The following CDH20 variants were observed in gnomAD, a reference collection of about 807,000 sequenced individuals.
CDH20 encodes the protein cadherin 20.
A neutral mutation model predicts 74.2 loss-of-function variants in CDH20; 29 were observed. The ratio of observed to expected loss-of-function variants is 0.39; its 90% CI spans 0.29 to 0.53. CDH20 has a LOEUF of 0.53. CDH20 is among the 20% of genes least tolerant of loss of function. CDH20 has a pLI of 0.69. For synonymous variants in CDH20, 469 were observed against 405.4 expected, an observed-to-expected ratio of 1.16 and a Z score of -1.88; for missense variants, 988 against 1,048.3, an observed-to-expected ratio of 0.94 and a Z score of 0.79.
At chr18:61,527,938 G>A (rs559312885) in intron 6 of CDH20, 29 bp from the exon 7 acceptor site, 34 of 1,611,830 alleles carry the variant, frequency 2.1e-5, no homozygotes, top group Middle Eastern at 1.7e-4. Context: ...CCTCAGTGGC[G>A]AATCAATTTT....
At position 61,554,418 on chromosome 18, in the gene CDH20, G is replaced by A; in HGVS notation, c.2129G>A (p.Arg710His). The A allele has an allele frequency of 1.2e-6, 2 of 1,613,008 alleles. No homozygotes were observed. Among genetic ancestry groups the A allele is most frequent in the Non-Finnish European group, 1.7e-6 (2 of 1,179,726 alleles). The change falls in exon 12 of 12, where the codon CGC becomes CAC. Residue 710 changes from arginine to histidine, a missense_variant. Coordinates refer to ENST00000262717, the MANE Select transcript of CDH20 (RefSeq NM_031891.4). ...CTGCCCGAGATCGAGAGCCTCTCCC[G>A]CTACGTGCCTCAGACGTGCGCAGTG... ...DMLPEIESLS[R>H]YVPQTCAVNS...
chr18:61,456,927 A>G (rs529247670), intron 1 of CDH20, among the ~76,000 whole-genome samples: 2 of 152,238 alleles, frequency 1.3e-5, no homozygotes, highest in South Asian at 2.1e-4. Context: ...TTAGGCCACT[A>G]ATCTCATTTC....
At chr18:61,345,110 G>A (rs149204284) in intron 1 of CDH20, among the ~76,000 whole-genome samples, 2 of 152,190 alleles carry the variant, frequency 1.3e-5, no homozygotes, top group African/African-American at 4.8e-5. Context: ...CCTGTTCTTA[G>A]GAAGGACTGC....
chr18:61,516,291 T>C (rs1912002171), intron 6 of CDH20, among the ~76,000 whole-genome samples: 1 of 152,242 alleles, frequency 6.6e-6, no homozygotes, highest in African/African-American at 2.4e-5. Context: ...TTTTAGGTTT[T>C]TGCTACGCTT....
intron 1 of CDH20, among the ~76,000 whole-genome samples, chr18:61,418,150 C>G (rs922270532): frequency 2.0e-5 from 3 of 152,264 alleles, no homozygotes; most frequent in Admixed American, 1.3e-4. Context: ...TTGAATAGAA[C>G]AATTCTTTTT....
chr18:61,480,465 T>C (rs1051748730), intron 1 of CDH20, among the ~76,000 whole-genome samples: 1 of 152,170 alleles, frequency 6.6e-6, no homozygotes, highest in African/African-American at 2.4e-5. Context: ...AAGATGTACA[T>C]TGGTTCTGTC....
In CDH20 at chr18:61,555,412, T is replaced by G; in HGVS notation, c.*717T>G. On this transcript the variant is annotated 3_prime_UTR_variant, in exon 12 of 12. Transcript: ENST00000262717. Reference sequence around the variant, plus strand: ...AGTGCTCGTGTCTCCTCTCAGCTATTTAACTGTGCCCCTGCAAAATTGTTC... The same window carrying G: ...AGTGCTCGTGTCTCCTCTCAGCTATGTAACTGTGCCCCTGCAAAATTGTTC... 1.0e-6 allele frequency: 1 copy of G among 985,444 alleles called. No homozygotes were observed. Among genetic ancestry groups the G allele is most frequent in the South Asian group, 4.7e-5 (1 of 21,290 alleles). 61.0% of individuals were successfully genotyped at this position (985,444 alleles called of 1,614,324 possible).
At chr18:61,512,748 A>C (rs1276325407) in intron 6 of CDH20, among the ~76,000 whole-genome samples, 1 of 149,236 alleles carries the variant, frequency 6.7e-6, no homozygotes, top group East Asian at 1.9e-4. Flanking sequence ...TTCTGCCTTC[A>C]TTTCGTTATG....
At chr18:61,386,320 G>C (rs1011731363) in intron 1 of CDH20, among the ~76,000 whole-genome samples, 2 of 152,078 alleles carry the variant, frequency 1.3e-5, no homozygotes, top group Non-Finnish European at 2.9e-5. Context: ...GGTCTCACAG[G>C]GATTAGTGCC....
At chr18:61,419,807 A>G (rs1912816804) in intron 1 of CDH20, among the ~76,000 whole-genome samples, 2 of 152,198 alleles carry the variant, frequency 1.3e-5, no homozygotes, top group African/African-American at 4.8e-5. Context: ...ATAATGGTAC[A>G]AGTGTACTTT....
chr18:61,379,797 T>A (rs564822166), intron 1 of CDH20, among the ~76,000 whole-genome samples: 2 of 152,200 alleles, frequency 1.3e-5, no homozygotes, highest in Admixed American at 1.3e-4. Context: ...TTCACATACA[T>A]GAGATAACTA....
intron 1 of CDH20, chr18:61,404,930 G>A: frequency 1.4e-6 from 1 of 703,160 alleles, no homozygotes. Context: ...TAGCCAGTGT[G>A]CATACTCTGT....
At chr18:61,478,034 A>G (rs1910453111) in intron 1 of CDH20, among the ~76,000 whole-genome samples, 1 of 152,020 alleles carries the variant, frequency 6.6e-6, no homozygotes, top group African/African-American at 2.4e-5. Context: ...AACTGTGTCT[A>G]CTAAAAATTA....
rs138071609 is a variant in CDH20, at chr18:61,550,229, G to T, written c.1900G>T (p.Val634Leu). The T allele has an allele frequency of 8.7e-6, 14 of 1,611,542 alleles. No homozygotes were observed. Among genetic ancestry groups the T allele is most frequent in the Non-Finnish European group, 1.2e-5 (14 of 1,178,468 alleles). Residue 634 changes from valine to leucine, a missense_variant and splice_region_variant, in exon 11 of 12, where the codon GTG becomes TTG. This residue lies in a region of CDH20 where 375 missense variants were observed against 293.1 expected (regional missense o/e 1.28). Transcript: ENST00000262717. The part of the protein sequence containing the change: ...AILACIFVLL[V>L]LVLLILSMRR... The stretch of plus-strand genomic sequence containing the variant: ...CCTCGCCTGCATCTTTGTCCTCTTA[G>T]GTGAGTAAGGGGCTGCTTTCCCTTC...
chr18:61,349,792 A>G (rs1208311011), intron 1 of CDH20, among the ~76,000 whole-genome samples: 1 of 152,118 alleles, frequency 6.6e-6, no homozygotes, highest in Non-Finnish European at 1.5e-5. Flanking sequence ...AGGGCAAACA[A>G]TATCAAAATT....
intron 1 of CDH20, among the ~76,000 whole-genome samples, chr18:61,466,983 C>G (rs932403112): frequency 6.6e-6 from 1 of 152,180 alleles, no homozygotes; most frequent in African/African-American, 2.4e-5. Flanking sequence ...CCTGGCTTGG[C>G]TCAGTGTCCA....
At chr18:61,419,808 AG>A (rs1359121894) in intron 1 of CDH20, among the ~76,000 whole-genome samples, 1 of 152,194 alleles carries the variant, frequency 6.6e-6, no homozygotes, top group Admixed American at 6.5e-5. Flanking sequence ...TAATGGTACA[AG>A]TGTACTTTGA....
chr18:61,499,985 TC>T (rs1049897709), intron 3 of CDH20, among the ~76,000 whole-genome samples: 21 of 151,346 alleles, frequency 1.4e-4, no homozygotes, highest in African/African-American at 4.6e-4. Context: ...GCACCTATAG[TC>T]CCAGCTACTC....
chr18:61,529,137 G>A (rs1229211053), intron 7 of CDH20, among the ~76,000 whole-genome samples: 1 of 152,216 alleles, frequency 6.6e-6, no homozygotes, highest in Non-Finnish European at 1.5e-5. Context: ...CAGAGCAGCT[G>A]CCAAACCTAT....
Sources: gnomAD v4.1 joint callset for allele counts (sites outside exome capture counted in the v4.1 genomes callset) on GRCh38, gnomAD v4.1.1 for gene constraint, gnomAD v4.1.1 regional missense constraint, MANE v1.5 for transcripts, NCBI Gene and HGNC (gene_info 2026-07-23, HGNC 2026-07-21) for gene names.